CCZ1: variants seen among roughly 807,000 people sequenced by gnomAD.
CCZ1 encodes vacuolar fusion protein CCZ1 homolog.
Under a neutral mutation model 57.8 loss-of-function variants are expected in CCZ1, and 19 were observed. The observed-to-expected ratio is 0.33, with a 90% CI of 0.23 to 0.48. The LOEUF (loss-of-function observed/expected upper bound fraction) is 0.48, where lower values mean the gene tolerates loss of function less well. Among genes scored for constraint, CCZ1 ranks in the 20% least tolerant of loss-of-function variants. The pLI is 0.99. For missense variants in CCZ1, 200 were observed against 492.0 expected, an observed-to-expected ratio of 0.41 and a Z score of 5.61; for synonymous variants, 81 against 167.0, an observed-to-expected ratio of 0.49 and a Z score of 3.97.
At chr7:5,899,252 G>C (rs1276745767) in intron 1 of CCZ1, among the ~76,000 whole-genome samples, 1 of 120,628 alleles carries the variant, frequency 8.3e-6, no homozygotes, top group East Asian at 2.4e-4. Context: ...GGTGGCAGAC[G>C]CTAGCCTTCA....
chr7:5,914,427 C>A (rs1779108715), intron 10 of CCZ1, among the ~76,000 whole-genome samples: 1 of 148,856 alleles, frequency 6.7e-6, no homozygotes, highest in Non-Finnish European at 1.5e-5. Context: ...CAGAGTGAAA[C>A]CCTCTCAAAA....
intron 12 of CCZ1, among the ~76,000 whole-genome samples, chr7:5,920,403 G>A (rs1779215914): frequency 8.2e-6 from 1 of 122,646 alleles, no homozygotes; most frequent in African/African-American, 3.0e-5. Context: ...TACACTGAGT[G>A]GGAGAGGCGG....
intron 7 of CCZ1, among the ~76,000 whole-genome samples, chr7:5,905,981 G>A (rs1190286427): frequency 6.6e-5 from 9 of 137,186 alleles, no homozygotes; most frequent in African/African-American, 2.2e-4. Flanking sequence ...GGCCTCAAGC[G>A]ATCCACCCGC....
chr7:5,920,419 A>C (rs1207722130), intron 12 of CCZ1, among the ~76,000 whole-genome samples: 16 of 93,000 alleles, frequency 1.7e-4, no homozygotes, highest in Admixed American at 3.3e-4. Flanking sequence ...GGCGGGATTC[A>C]CTCCTCCGGC....
chr7:5,899,416 A>G (rs1399493409), intron 1 of CCZ1, among the ~76,000 whole-genome samples: 1 of 140,660 alleles, frequency 7.1e-6, no homozygotes, highest in Non-Finnish European at 1.6e-5. Flanking sequence ...GACTTTCTCA[A>G]AGGATGTCCG....
In CCZ1 at chr7:5,923,461, T is replaced by A. The variant is rs1779289706; in HGVS notation, c.1181T>A (p.Met394Lys). 1 of 382,202 alleles carries A rather than the reference T, an allele frequency of 2.6e-6. No homozygotes were observed. The highest frequency in any genetic ancestry group is 4.6e-6 in the Non-Finnish European group (1 of 216,080). The allele number at this position is 382,202 out of a possible 1,614,324, so 23.7% of individuals were successfully genotyped here. Residue 394 changes from methionine to lysine, a missense_variant, in exon 13 of 15, where the codon ATG becomes AAG. Met to Lys is a moderately conservative substitution (Grantham distance 95). This residue lies in a region of CCZ1 where 13 missense variants were observed against 148.1 expected (regional missense o/e 0.09). Transcript: ENST00000325974. ...CTCGCCGAGAAGAGCACAGTTCACA[T>A]GAGGAAAACGCCCAGCGTGTCGCTC... ...MNLAEKSTVH[M>K]RKTPSVSLTS...
At chr7:5,920,951 GTTTTTT>G (rs201738735) in intron 12 of CCZ1, among the ~76,000 whole-genome samples, 700 of 83,162 alleles carry the variant, frequency 8.4e-3, no homozygotes, top group Middle Eastern at 0.044. Context: ...TGTTTTTTGG[GTTTTTT>G]TTTTTTTTTT....
chr7:5,903,914 G>A (rs1322334091), intron 6 of CCZ1, among the ~76,000 whole-genome samples: 1 of 142,800 alleles, frequency 7.0e-6, no homozygotes, highest in Non-Finnish European at 1.5e-5. Flanking sequence ...AGAATCGCTT[G>A]AACCCCGGAG....
intron 6 of CCZ1, 101 bp from the exon 7 acceptor site, chr7:5,904,993 A>C: frequency 1.6e-6 from 2 of 1,227,666 alleles, no homozygotes; most frequent in Middle Eastern, 2.0e-4. Context: ...ATGTAATTGT[A>C]CCATAAATGT....
At chr7:5,901,529 A>T in intron 4 of CCZ1, 128 bp from the exon 5 acceptor site, 2 of 1,394,294 alleles carry the variant, frequency 1.4e-6, no homozygotes, top group Non-Finnish European at 1.9e-6. Flanking sequence ...TTCAGCACGC[A>T]ACTATTGTGG....
intron 5 of CCZ1, chr7:5,902,219 G>A (rs2528315): frequency 0.16 from 26,173 of 159,594 alleles, 1,524 homozygotes; most frequent in East Asian, 0.23. Context: ...GATCGCTCGC[G>A]CCTTGGAGGT....
chr7:5,925,526 A>C (rs1356984094), intron 14 of CCZ1, 106 bp from the exon 15 acceptor site: 8 of 1,440,150 alleles, frequency 5.6e-6, no homozygotes, highest in Non-Finnish European at 7.7e-6. Flanking sequence ...GTCAAAATCA[A>C]TGCAAATCTC....
At chr7:5,907,957 C>T (rs1335022082) in intron 7 of CCZ1, among the ~76,000 whole-genome samples, 2 of 141,750 alleles carry the variant, frequency 1.4e-5, no homozygotes, top group South Asian at 2.4e-4. Context: ...AAAAAAATAG[C>T]TGGGCATTGT....
At chr7:5,920,776 T>TA (rs1779226063) in intron 12 of CCZ1, among the ~76,000 whole-genome samples, 1 of 102,076 alleles carries the variant, frequency 9.8e-6, no homozygotes, top group Non-Finnish European at 2.1e-5. Flanking sequence ...CCGGCCATGC[T>TA]TATCTTTTCT....
rs1156811416 is a variant in CCZ1 at position 5,903,789 on chromosome 7, C to T, written c.522+1045C>T. Reference sequence around the variant, plus strand: ...CGGGCAGATCTTGAGGTCATGAGTTCGAGACCAGCCTGGCCAACATGGTGA... The same window carrying T: ...CGGGCAGATCTTGAGGTCATGAGTTTGAGACCAGCCTGGCCAACATGGTGA... On this transcript the variant is annotated intron_variant, in intron 6 of 14. Transcript: ENST00000325974. Among the ~76,000 whole-genome samples, 4 of 147,128 alleles carry T rather than the reference C, an allele frequency of 2.7e-5. 1 individual carries two copies. The highest frequency in any genetic ancestry group is 4.5e-4 in the South Asian group (2 of 4,480).
chr7:5,913,144 T>A (rs2240407), intron 10 of CCZ1, among the ~76,000 whole-genome samples, 190 bp downstream of exon 10: 22,933 of 145,876 alleles, frequency 0.16, 2,914 homozygotes, highest in East Asian at 0.62. Context: ...TTTAAACAGT[T>A]TTGTTATTAG....
chr7:5,902,739 C>T lies in CCZ1; in HGVS notation c.517C>T (p.His173Tyr), dbSNP rs750818518. ...LLKERLEKFF[H>Y]RYLQTLHLQS... The stretch of plus-strand genomic sequence containing the variant: ...GAAAGAAAGATTAGAGAAATTCTTC[C>T]ATCGGGTAAGTATTTTGAATTTCAT... The change falls in exon 6 of 15, where the codon CAT (histidine) becomes TAT (tyrosine). Residue 173 changes from histidine to tyrosine, a missense_variant. This residue lies in a region of CCZ1 where 128 missense variants were observed against 178.4 expected (regional missense o/e 0.72). Coordinates refer to ENST00000325974, the MANE Select transcript of CCZ1 (RefSeq NM_015622.6). The T allele has an allele frequency of 1.9e-6, 3 of 1,593,172 alleles. No individual in the cohort carries two copies. The highest frequency in any genetic ancestry group is 1.4e-5 in the African/African-American group (1 of 73,252).
chr7:5,910,377 T>C (rs1388117222), intron 8 of CCZ1: 2 of 362,744 alleles, frequency 5.5e-6, no homozygotes, highest in Admixed American at 4.6e-5. Context: ...TTTGTTTGTT[T>C]GGTTTTTGAG....
chr7:5,911,769 T>G (rs1041495508), intron 8 of CCZ1, 92 bp from the exon 9 acceptor site: 3 of 932,430 alleles, frequency 3.2e-6, no homozygotes, highest in African/African-American at 3.4e-5. Flanking sequence ...ACAAATGGCA[T>G]GGAACCAATT....
Sources: gnomAD v4.1 joint callset for allele counts (sites outside exome capture counted in the v4.1 genomes callset) on GRCh38, gnomAD v4.1.1 for gene constraint, gnomAD v4.1.1 regional missense constraint, MANE v1.5 for transcripts, NCBI Gene and HGNC (gene_info 2026-07-23, HGNC 2026-07-21) for gene names.